Variants in CHD9 observed in about 807,000 individuals in gnomAD.
CHD9 encodes the protein ATP-dependent chromatin remodeler CHD9.
A neutral mutation model predicts 316.1 loss-of-function variants in CHD9; 77 were observed. The observed-to-expected ratio is 0.24, with a 90% CI of 0.20 to 0.29. CHD9 has a LOEUF of 0.29. CHD9 is among the 10% of genes least tolerant of loss of function. CHD9 has a pLI of 1.00. For missense variants in CHD9, 2,763 were observed against 3,438.1 expected (o/e 0.80, Z 4.91); for synonymous variants, 1,129 against 1,158.3 (o/e 0.97, Z 0.51).
chr16:53,243,725 T>C (rs1053598529), intron 13 of CHD9, among the ~76,000 whole-genome samples: 3 of 152,250 alleles, frequency 2.0e-5, no homozygotes, highest in Admixed American at 6.5e-5. Flanking sequence ...TACACACTTC[T>C]ACATGTTTAA....
rs979116958 is a variant in CHD9 at position 53,208,257 on chromosome 16, T to C, written c.1453-1225T>C. ...TTAGGAATCTTCTTTCAATGCTTTT[T>C]TCTTGAGCACTGCCTGGGGTGGTGA... On this transcript the variant is annotated intron_variant, in intron 2 of 38. Coordinates refer to ENST00000447540, the MANE Select transcript of CHD9 (RefSeq NM_001308319.2). 3.1e-5 allele frequency: 38 copies of C among 1,227,188 alleles called. No individual in the cohort carries two copies. In the Admixed American group the frequency reaches 1.2e-3, roughly 38 times the overall value. The allele number at this position is 1,227,188 out of a possible 1,614,324, so 76.0% of individuals were successfully genotyped here.
At chr16:53,062,224 G>T (rs1408444735) in intron 1 of CHD9, among the ~76,000 whole-genome samples, 1 of 152,186 alleles carries the variant, frequency 6.6e-6, no homozygotes, top group African/African-American at 2.4e-5. Flanking sequence ...CCAGTTCAGG[G>T]CATTTAAGAG....
In CHD9 at chr16:53,156,803, A is replaced by C; in HGVS notation, c.714A>C (p.Ser238=). 1 of 1,613,870 alleles carries C rather than the reference A, an allele frequency of 6.2e-7. No individual in the cohort carries two copies. Among genetic ancestry groups the C allele is most frequent in the Non-Finnish European group, 8.5e-7 (1 of 1,179,880 alleles). ...MQQFSQTSNP[S]AHFHKCSSHQ... ...AATTTTCTCAAACGTCAAATCCTTC[A>C]GCACACTTCCACAAGTGTAGCAGTC... Residue 238 remains serine (S), a synonymous_variant, in exon 2 of 39, where the codon TCA becomes TCC. Transcript: ENST00000447540.
At chr16:53,146,438 A>T (rs868558439) in intron 1 of CHD9, among the ~76,000 whole-genome samples, 84 of 46,282 alleles carry the variant, frequency 1.8e-3, no homozygotes, top group African/African-American at 6.9e-3. Flanking sequence ...TATATATATA[A>T]TTAAAAAGTT....
chr16:53,214,933 A>G (rs1387598766), intron 3 of CHD9, among the ~76,000 whole-genome samples: 1 of 108,414 alleles, frequency 9.2e-6, no homozygotes, highest in Non-Finnish European at 1.8e-5. Flanking sequence ...TTTTTTTTTG[A>G]GACGGAGTCT....
At chr16:53,313,576 G>A (rs2056643978) in intron 34 of CHD9, among the ~76,000 whole-genome samples, 1 of 152,034 alleles carries the variant, frequency 6.6e-6, no homozygotes, top group Non-Finnish European at 1.5e-5. Context: ...AAAGTGCTGG[G>A]ATTACAGGCG....
chr16:53,195,677 C>T (rs1158974421), intron 2 of CHD9, among the ~76,000 whole-genome samples: 2 of 151,036 alleles, frequency 1.3e-5, no homozygotes, highest in East Asian at 1.9e-4. Context: ...TTTTTTGTAA[C>T]TACTTTTTTT....
At chr16:53,261,359 CT>C (rs1195811638) in intron 19 of CHD9, among the ~76,000 whole-genome samples, 65 of 61,878 alleles carry the variant, frequency 1.1e-3, no homozygotes, top group South Asian at 8.3e-3. Flanking sequence ...GTGTTTTAGA[CT>C]TTTTTTTTTT....
intron 3 of CHD9, among the ~76,000 whole-genome samples, chr16:53,211,666 C>T (rs554467318): frequency 7.1e-4 from 108 of 151,968 alleles, no homozygotes; most frequent in African/African-American, 2.5e-3. Flanking sequence ...ATTTATAAGT[C>T]GCAGGCAGAT....
At chr16:53,248,181 A>G (rs1164460165) in intron 16 of CHD9, 1 of 151,730 alleles carries the variant, frequency 6.6e-6, no homozygotes, top group African/African-American at 2.4e-5. Flanking sequence ...AAAAAAATAC[A>G]AAAAATCAGC....
At chr16:53,151,235 CTCCTTGTCCTGTCCTT>C (rs1567381734) in intron 1 of CHD9, among the ~76,000 whole-genome samples, 3 of 104,832 alleles carry the variant, frequency 2.9e-5, no homozygotes, top group African/African-American at 7.6e-5. Flanking sequence ...TCCCTTTCCT[CTCCTTGTCCTGTCCTT>C]TCCTTGTCCT....
chr16:53,279,960 A>G (rs932478337), intron 24 of CHD9, among the ~76,000 whole-genome samples: 5 of 152,234 alleles, frequency 3.3e-5, no homozygotes, highest in Non-Finnish European at 5.9e-5. Context: ...ATGCAAATCA[A>G]AACCACAATG....
At chr16:53,286,977 T>G (rs966359753) in intron 26 of CHD9, among the ~76,000 whole-genome samples, 1 of 152,184 alleles carries the variant, frequency 6.6e-6, no homozygotes, top group African/African-American at 2.4e-5. Context: ...GATATTTTCT[T>G]GAGACAGGGT....
rs1187138820 is a variant in CHD9 at position 53,156,882 on chromosome 16, A to G, written c.793A>G (p.Ser265Gly). The G allele has an allele frequency of 6.2e-7, 1 of 1,613,472 alleles. No homozygotes were observed. The highest frequency in any genetic ancestry group is 1.3e-5 in the African/African-American group (1 of 74,930). Residue 265 changes from serine to glycine, a missense_variant, in exon 2 of 39, where the codon AGT (serine) becomes GGT (glycine). Transcript: ENST00000447540. ...CCCAAATATGACTTCTTGTTCTGTCAGTAATTCACAGCAATTTTCTTCACA... is the reference window on the plus strand; with the variant it reads ...CCCAAATATGACTTCTTGTTCTGTCGGTAATTCACAGCAATTTTCTTCACA... ...PSPNMTSCSVSNSQQFSSHYS... is the reference protein window; with the variant it reads ...PSPNMTSCSVGNSQQFSSHYS...
At chr16:53,313,545 A>T (rs2056641500) in intron 34 of CHD9, among the ~76,000 whole-genome samples, 1 of 152,048 alleles carries the variant, frequency 6.6e-6, no homozygotes, top group African/African-American at 2.4e-5. Flanking sequence ...ACCTCAGGTG[A>T]TCTGCCCACC....
At chr16:53,131,021 C>A (rs1597082124) in intron 1 of CHD9, 1 of 153,286 alleles carries the variant, frequency 6.5e-6, no homozygotes, top group South Asian at 1.8e-4. Flanking sequence ...CACTCCCTCC[C>A]TGCCCCGCGC....
Position 53,156,533 on chromosome 16 carries a change from C to A in CHD9, c.444C>A (p.His148Gln), listed in dbSNP as rs775465776. 6.2e-7 allele frequency: 1 copy of A among 1,614,018 alleles called. No individual in the cohort carries two copies. The highest frequency in any genetic ancestry group is 1.1e-5 in the South Asian group (1 of 91,086). The change falls in exon 2 of 39, where the codon CAC becomes CAA. Residue 148 changes from histidine (H) to glutamine (Q), a missense_variant. By Grantham distance (24) the His-to-Gln change is conservative. Around this residue, in one of 15 missense-constraint regions of CHD9, gnomAD observed 859 missense variants for 890.4 expected, o/e 0.96. Transcript: ENST00000447540. ...CTTTTCACCAACAAGGACATTCACA[C>A]TCTATGCATCAAAATAAAAGCTTTG... is the stretch of plus-strand genomic sequence containing the variant. ...GSPFHQQGHSHSMHQNKSFVA... is the reference protein window; with the variant it reads ...GSPFHQQGHSQSMHQNKSFVA...
chr16:53,264,880 TGTG>T (rs1228486849), intron 20 of CHD9, among the ~76,000 whole-genome samples: 1 of 151,884 alleles, frequency 6.6e-6, no homozygotes, highest in Non-Finnish European at 1.5e-5. Flanking sequence ...AGTTAGTGAG[TGTG>T]GTGGTAATAG....
chr16:53,163,141 G>A (rs927761737), intron 2 of CHD9, among the ~76,000 whole-genome samples: 3 of 150,956 alleles, frequency 2.0e-5, no homozygotes, highest in Admixed American at 2.0e-4. Flanking sequence ...CACTGTTGCT[G>A]TTGTGTTATG....
Sources: allele counts gnomAD v4.1 joint callset (sites outside exome capture counted in the v4.1 genomes callset), GRCh38; gene constraint gnomAD v4.1.1; regional missense constraint gnomAD v4.1.1; transcripts MANE v1.5; gene names NCBI Gene and HGNC (gene_info 2026-07-23, HGNC 2026-07-21).